PHF19: variants seen among roughly 807,000 people sequenced by gnomAD.
PHF19 encodes polycomb like 3.
In PHF19, 21 loss-of-function variants were observed where a neutral mutation model predicts 79.8. The ratio of observed to expected loss-of-function variants is 0.26; its 90% CI spans 0.19 to 0.38. PHF19 has a LOEUF of 0.38. Ranked by LOEUF, PHF19 falls within the 10% of genes least tolerant of loss-of-function variation. PHF19 has a pLI of 1.00. For synonymous variants in PHF19, 273 were observed against 296.3 expected (o/e 0.92, Z 0.81); for missense variants, 445 against 744.2 (o/e 0.60, Z 4.68).
chr9:120,887,513 A>C (rs1373073811), intron 1 of PHF19, among the ~76,000 whole-genome samples: 1 of 152,214 alleles, frequency 6.6e-6, no homozygotes, highest in Admixed American at 6.5e-5. Context: ...AGACTCAAGC[A>C]TCAATTCCTG....
At chr9:120,881,052 A>G (rs1205772911), upstream of PHF19, among the ~76,000 whole-genome samples, 1 of 152,128 alleles carries the variant, frequency 6.6e-6, no homozygotes, top group African/African-American at 2.4e-5. Flanking sequence ...AAGTATTGAA[A>G]CATGCATGGG....
In PHF19 at chr9:120,862,154, G is replaced by A; in HGVS notation, c.1131-149C>T. On this transcript the variant is annotated intron_variant, in intron 11 of 14. Transcript: ENST00000373896. This position sits in a 1 kb window ranked among gnomAD's most constrained non-coding sequence, Gnocchi z 4.6. Reference sequence around the variant, plus strand: ...GCACCTTCACAGGGAGGCCTGGGGAGGAGGGAGAGTCCTCAGGAGCAGTAG... The same window carrying A: ...GCACCTTCACAGGGAGGCCTGGGGAAGAGGGAGAGTCCTCAGGAGCAGTAG... 2.9e-6 allele frequency: 2 copies of A among 701,076 alleles called. No individual in the cohort carries two copies. The highest frequency in any genetic ancestry group is 2.6e-6 in the Non-Finnish European group (1 of 387,388). The allele number at this position is 701,076 out of a possible 1,614,324, so 43.4% of individuals were successfully genotyped here. A position where few individuals can be genotyped will look rare whatever the true frequency, so the allele number is the denominator to read the frequency against.
chr9:120,864,161 C>T (rs372347905), intron 9 of PHF19, 45 bp from the exon 10 acceptor site: 49 of 1,550,766 alleles, frequency 3.2e-5, no homozygotes, highest in African/African-American at 6.8e-5. Context: ...AGGCATATGG[C>T]GCATGGGGAG....
intron 1 of PHF19, among the ~76,000 whole-genome samples, chr9:120,886,115 C>G (rs532469787): frequency 1.3e-5 from 2 of 152,326 alleles, no homozygotes; most frequent in African/African-American, 4.8e-5. Context: ...AATTCAAAGT[C>G]CCAGATGCCT....
At chr9:120,877,213 G>C, upstream of PHF19, 1 of 977,412 alleles carries the variant, frequency 1.0e-6, no homozygotes, top group South Asian at 4.6e-5. Context: ...CCGGGGTCGG[G>C]GTCTCGGCGG....
intron 1 of PHF19, among the ~76,000 whole-genome samples, chr9:120,890,954 C>A (rs2046334781): frequency 6.6e-6 from 1 of 152,210 alleles, no homozygotes; most frequent in Admixed American, 6.5e-5. Context: ...TCTCCACCCC[C>A]ACCCTTTAAC....
Position 120,858,198 on chromosome 9 carries a change from G to A in PHF19, c.1489C>T (p.Arg497Cys), listed in dbSNP as rs373910823. The A allele has an allele frequency of 1.4e-5, 23 of 1,596,736 alleles. No individual in the cohort carries two copies. The highest frequency in any genetic ancestry group is 2.7e-5 in the African/African-American group (2 of 74,662). ...AKRWAAELDGRCPSDSSAEGA... is the reference protein window; with the variant it reads ...AKRWAAELDGCCPSDSSAEGA... ...TCTGCACTGCTGTCCGAGGGGCAGC[G>A]TCCATCCAGCTCAGCTGCCCACCGC... The change falls in exon 15 of 15, where the codon CGC (arginine) becomes TGC (cysteine). Residue 497 changes from arginine to cysteine, a missense_variant. By Grantham distance (180) the Arg-to-Cys change is radical. Around this residue, in one of 5 missense-constraint regions of PHF19, gnomAD observed 125 missense variants for 180.5 expected, o/e 0.69. Transcript: ENST00000373896.
intron 6 of PHF19, chr9:120,868,270 T>C (rs992312485): frequency 6.6e-6 from 1 of 152,122 alleles, no homozygotes; most frequent in Non-Finnish European, 1.5e-5. Context: ...CAGCAGCCGG[T>C]TCCACTGACT....
chr9:120,875,712 C>A (rs758083526), intron 1 of PHF19, among the ~76,000 whole-genome samples: 1 of 152,186 alleles, frequency 6.6e-6, no homozygotes, highest in African/African-American at 2.4e-5. Context: ...GGGTGGGGAA[C>A]GGTACTACCA....
Position 120,860,061 on chromosome 9 carries a change from T to G in PHF19, c.1400+29A>C. ...GAGAGGAATGATGGTCCTTGCAAAATGTGAAGGCCAGACCTCTAGGAAGCT... is the reference window on the plus strand; with the variant it reads ...GAGAGGAATGATGGTCCTTGCAAAAGGTGAAGGCCAGACCTCTAGGAAGCT... On this transcript the variant is annotated intron_variant, in intron 14 of 14. Transcript: ENST00000373896. This position sits in a 1 kb window ranked among gnomAD's most constrained non-coding sequence, Gnocchi z 4.1. The G allele has an allele frequency of 8.3e-7, 1 of 1,197,728 alleles. No individual in the cohort carries two copies. 74.2% of individuals were successfully genotyped at this position (1,197,728 alleles called of 1,614,324 possible).
chr9:120,881,929 T>C (rs1018738274), upstream of PHF19, among the ~76,000 whole-genome samples: 4 of 152,138 alleles, frequency 2.6e-5, no homozygotes, highest in African/African-American at 9.7e-5. Context: ...GCCTGGCTAA[T>C]TTTTGTATTT....
At chr9:120,872,509 GA>G (rs1214044414) in intron 3 of PHF19, among the ~76,000 whole-genome samples, 1 of 152,116 alleles carries the variant, frequency 6.6e-6, no homozygotes, top group Non-Finnish European at 1.5e-5. Context: ...CATTGCTTTG[GA>G]TATTTATATA....
chr9:120,863,302 AAG>A (rs911993596), intron 10 of PHF19, among the ~76,000 whole-genome samples: 9 of 151,402 alleles, frequency 5.9e-5, no homozygotes, highest in African/African-American at 2.2e-4. Flanking sequence ...GAGAATGTGG[AAG>A]AGAGAGTGGA....
rs140847361 is a variant in PHF19, at chr9:120,862,600, T to C, written c.1118A>G (p.Lys373Arg). ...SASSELRKRG[K>R]SKPGLLPHEF... is the part of the protein sequence containing the mutation. ...CCCGAGCACTGACCCAGGCTTGCTC[T>C]TTCCTCTCTTACGCAGCTCAGAGGA... Residue 373 changes from lysine (K) to arginine (R), a missense_variant, in exon 11 of 15, where the codon AAG becomes AGG. Lys to Arg is a conservative substitution (Grantham distance 26). Around this residue, in one of 5 missense-constraint regions of PHF19, gnomAD observed 83 missense variants for 85.5 expected, o/e 0.97. Transcript: ENST00000373896. The surrounding 1 kb of genome is among the most constrained non-coding windows in gnomAD (Gnocchi z 4.6). 6.8e-6 allele frequency: 11 copies of C among 1,613,584 alleles called. No individual in the cohort carries two copies. The African/African-American group carries it at 1.2e-4, about 18-fold the overall frequency.
At chr9:120,896,990 C>T (rs1413796795), upstream of PHF19, among the ~76,000 whole-genome samples, 2 of 152,232 alleles carry the variant, frequency 1.3e-5, no homozygotes, top group Admixed American at 1.3e-4. Flanking sequence ...AAGTGTTAGG[C>T]CTTTGGGAAG....
chr9:120,877,325 T>G (rs1247251057), upstream of PHF19: 24 of 980,776 alleles, frequency 2.4e-5, no homozygotes, highest in Non-Finnish European at 2.8e-5. Flanking sequence ...GCGCCATCTT[T>G]TTCGCGTTTT....
intron 1 of PHF19, among the ~76,000 whole-genome samples, chr9:120,875,623 T>C (rs189427677): frequency 9.2e-5 from 14 of 152,342 alleles, no homozygotes; most frequent in Middle Eastern, 6.8e-3. Context: ...CCTCATCTTT[T>C]GCTTGGGCCA....
At chr9:120,858,960 C>T (rs1313080711) in intron 14 of PHF19, among the ~76,000 whole-genome samples, 2 of 151,952 alleles carry the variant, frequency 1.3e-5, no homozygotes, top group Non-Finnish European at 2.9e-5. Context: ...ACCAAAGAAA[C>T]AGGAAGAAAT....
At chr9:120,872,058 A>AG (rs2045917315) in intron 3 of PHF19, among the ~76,000 whole-genome samples, 1 of 150,422 alleles carries the variant, frequency 6.6e-6, no homozygotes, top group Non-Finnish European at 1.5e-5. Context: ...AAAAAAAAAA[A>AG]AAAAAAAAAA....
Sources: allele counts gnomAD v4.1 joint callset (sites outside exome capture counted in the v4.1 genomes callset), GRCh38; gene constraint gnomAD v4.1.1; regional missense constraint gnomAD v4.1.1; non-coding constraint Gnocchi (gnomAD v3.1); transcripts MANE v1.5; gene names NCBI Gene and HGNC (gene_info 2026-07-23, HGNC 2026-07-21).